Variants in SUGCT observed in about 807,000 individuals in gnomAD.
SUGCT encodes succinyl-CoA:glutarate CoA-transferase.
In SUGCT, 41 loss-of-function variants were observed where a neutral mutation model predicts 55.0. The ratio of observed to expected loss-of-function variants is 0.74; its 90% CI spans 0.58 to 0.97. SUGCT has a LOEUF of 0.97. Among genes scored for constraint, SUGCT ranks in the 50% least tolerant of loss-of-function variants. SUGCT has a pLI of 0.00. For missense variants in SUGCT, 568 were observed against 547.8 expected (o/e 1.04, Z -0.37); for synonymous variants, 187 against 200.4 (o/e 0.93, Z 0.56).
At chr7:40,930,352 C>T in the SUGCT span, among the ~76,000 whole-genome samples, 1 of 152,236 alleles carries the variant, frequency 6.6e-6, no homozygotes, top group Middle Eastern at 3.4e-3. Flanking sequence ...AGTTAAGTAG[C>T]GTGATGCCTC....
At chr7:40,668,895 C>T (rs566265300) in intron 12 of SUGCT, among the ~76,000 whole-genome samples, 2 of 152,172 alleles carry the variant, frequency 1.3e-5, no homozygotes, top group Admixed American at 6.5e-5. Flanking sequence ...GGAGCCTAGA[C>T]TTCTACCCTT....
the SUGCT span, among the ~76,000 whole-genome samples, chr7:40,960,918 C>T: frequency 0.32 from 49,411 of 152,054 alleles, 8,859 homozygotes; most frequent in Admixed American, 0.44. Flanking sequence ...TATCACTGGT[C>T]CTGTGACAAT....
intron 13 of SUGCT, among the ~76,000 whole-genome samples, chr7:40,829,471 G>C (rs1458407956): frequency 6.6e-6 from 1 of 152,198 alleles, no homozygotes; most frequent in Non-Finnish European, 1.5e-5. Flanking sequence ...CAATTGCAAA[G>C]TGGCAAAATG....
intron 6 of SUGCT, among the ~76,000 whole-genome samples, chr7:40,229,812 C>CAAA (rs771471649): frequency 9.9e-5 from 6 of 60,742 alleles, no homozygotes; most frequent in Admixed American, 1.9e-4. Flanking sequence ...GACTCTGTCT[C>CAAA]AAAAAAAAAA....
chr7:40,318,707 G>A (rs1261391621), intron 9 of SUGCT, among the ~76,000 whole-genome samples: 1 of 152,258 alleles, frequency 6.6e-6, no homozygotes, highest in Non-Finnish European at 1.5e-5. Context: ...AAAGTACTGG[G>A]ATTACAGGCA....
At chr7:40,571,006 C>T (rs1194072671) in intron 12 of SUGCT, among the ~76,000 whole-genome samples, 1 of 151,844 alleles carries the variant, frequency 6.6e-6, no homozygotes, top group East Asian at 1.9e-4. Flanking sequence ...ATTACAGGCA[C>T]CTGCCACAGT....
the SUGCT span, among the ~76,000 whole-genome samples, chr7:41,027,030 TA>T: frequency 7.9e-5 from 12 of 151,788 alleles, no homozygotes; most frequent in Admixed American, 3.9e-4. Flanking sequence ...AGACTCCATC[TA>T]AAAAAAAGTT....
At chr7:40,542,976 T>C (rs936064509) in intron 12 of SUGCT, among the ~76,000 whole-genome samples, 15 of 152,216 alleles carry the variant, frequency 9.9e-5, no homozygotes. Flanking sequence ...ATCGGCTAGG[T>C]GAACATTTAG....
the SUGCT span, among the ~76,000 whole-genome samples, chr7:41,030,742 A>C: frequency 2.3e-4 from 35 of 152,274 alleles, no homozygotes; most frequent in African/African-American, 7.9e-4. Context: ...TTATGATAAA[A>C]AGTTAATTCC....
chr7:40,320,896 G>A (rs1467528316), intron 9 of SUGCT, among the ~76,000 whole-genome samples: 2 of 152,090 alleles, frequency 1.3e-5, no homozygotes, highest in African/African-American at 4.8e-5. Flanking sequence ...CCCAAATAGT[G>A]TATGTCGTAT....
intron 13 of SUGCT, among the ~76,000 whole-genome samples, chr7:40,839,833 T>C (rs1212323427): frequency 6.6e-6 from 1 of 152,224 alleles, no homozygotes; most frequent in East Asian, 1.9e-4. Context: ...CAAGTGACTA[T>C]TCTACAGTAA....
intron 8 of SUGCT, among the ~76,000 whole-genome samples, chr7:40,292,339 A>C (rs1199941169): frequency 6.6e-6 from 1 of 152,076 alleles, no homozygotes; most frequent in African/African-American, 2.4e-5. Flanking sequence ...GTATTTTTTA[A>C]AGTTCCAGAA....
chr7:40,373,601 T>A (rs966789754), intron 9 of SUGCT, among the ~76,000 whole-genome samples: 2 of 151,982 alleles, frequency 1.3e-5, no homozygotes, highest in Non-Finnish European at 2.9e-5. Context: ...ATGCTAAGTG[T>A]CTGTGGACTT....
intron 13 of SUGCT, among the ~76,000 whole-genome samples, chr7:40,813,620 T>C (rs1252306302): frequency 6.6e-6 from 1 of 152,166 alleles, no homozygotes; most frequent in Non-Finnish European, 1.5e-5. Flanking sequence ...GATAGCCTTA[T>C]GTGTAAGATA....
At chr7:40,402,227 A>AT (rs1786111230) in intron 9 of SUGCT, among the ~76,000 whole-genome samples, 1 of 152,036 alleles carries the variant, frequency 6.6e-6, no homozygotes, top group Non-Finnish European at 1.5e-5. Context: ...AACGTGTGCT[A>AT]TTAAGCATTC....
At chr7:40,276,795 A>ATGTGTG (rs754085745) in intron 8 of SUGCT, among the ~76,000 whole-genome samples, 16 of 146,962 alleles carry the variant, frequency 1.1e-4, no homozygotes, top group South Asian at 4.3e-4. Flanking sequence ...TGGGGTGTGC[A>ATGTGTG]TGTGTGTGTG....
At chr7:40,290,919 T>A (rs1213556887) in intron 8 of SUGCT, among the ~76,000 whole-genome samples, 1 of 152,228 alleles carries the variant, frequency 6.6e-6, no homozygotes, top group Admixed American at 6.5e-5. Flanking sequence ...TTGTCATTAC[T>A]GGCCATCAGA....
intron 12 of SUGCT, among the ~76,000 whole-genome samples, chr7:40,554,526 A>G (rs1179177855): frequency 6.6e-6 from 1 of 152,216 alleles, no homozygotes; most frequent in Non-Finnish European, 1.5e-5. Context: ...GCTTCTCTGT[A>G]CTATGTTTTA....
At chr7:40,828,411 T>C (rs533091371) in intron 13 of SUGCT, among the ~76,000 whole-genome samples, 4 of 152,146 alleles carry the variant, frequency 2.6e-5, no homozygotes, top group Non-Finnish European at 4.4e-5. Context: ...TTCTCTCCAA[T>C]AGCTTTGCAG....
Sources: allele counts gnomAD v4.1 joint callset (sites outside exome capture counted in the v4.1 genomes callset), GRCh38; gene constraint gnomAD v4.1.1; transcripts MANE v1.5; gene names NCBI Gene and HGNC (gene_info 2026-07-23, HGNC 2026-07-21).